CNTNAP5: variants seen among roughly 807,000 people sequenced by gnomAD.
CNTNAP5 encodes the protein contactin associated protein family member 5.
In CNTNAP5, 72 loss-of-function variants were observed where a neutral mutation model predicts 150.2. The observed-to-expected ratio is 0.48, with a 90% CI of 0.40 to 0.58. The LOEUF (loss-of-function observed/expected upper bound fraction) is 0.58. CNTNAP5 is among the 20% of genes least tolerant of loss of function. CNTNAP5 has a pLI of 0.00. For synonymous variants in CNTNAP5, 672 were observed against 619.8 expected (o/e 1.08, Z -1.25); for missense variants, 1,636 against 1,626.2 (o/e 1.01, Z -0.10).
At chr2:124,043,708 G>A (rs1047525402) in intron 1 of CNTNAP5, among the ~76,000 whole-genome samples, 1 of 151,960 alleles carries the variant, frequency 6.6e-6, no homozygotes, top group Non-Finnish European at 1.5e-5. Flanking sequence ...AATCCTGGGT[G>A]GGAGAGAAGA....
intron 3 of CNTNAP5, among the ~76,000 whole-genome samples, chr2:124,259,804 T>G (rs1171487791): frequency 6.6e-6 from 1 of 152,170 alleles, no homozygotes; most frequent in African/African-American, 2.4e-5. Context: ...GAATCCAACT[T>G]GCAAGGGATG....
intron 1 of CNTNAP5, among the ~76,000 whole-genome samples, chr2:124,049,073 G>A (rs751635445): frequency 9.2e-5 from 14 of 152,084 alleles, no homozygotes; most frequent in South Asian, 2.1e-4. Flanking sequence ...CTCATCTCAC[G>A]ACCCAGGCTT....
chr2:124,395,145 C>T (rs577751415), intron 3 of CNTNAP5, among the ~76,000 whole-genome samples: 4 of 152,158 alleles, frequency 2.6e-5, no homozygotes, highest in African/African-American at 9.6e-5. Flanking sequence ...GATTTCTGCT[C>T]TAAAAATACA....
At chr2:124,575,097 C>T (rs12611593) in intron 11 of CNTNAP5, among the ~76,000 whole-genome samples, 3,965 of 152,120 alleles carry the variant, frequency 0.026, 88 homozygotes, top group East Asian at 0.092. Context: ...TGATGAGGGA[C>T]GAGGCAAGTA....
In CNTNAP5 at chr2:124,352,510, T is replaced by C. The variant is rs543130958; in HGVS notation, c.382-64933T>C. Among the ~76,000 whole-genome samples the C allele has an allele frequency of 1.1e-4, 16 of 152,306 alleles. No homozygotes were observed. In the South Asian group the frequency reaches 3.1e-3, roughly 30 times the overall value. ...AATACCAAGTCTAGATGAAGAGTTT[T>C]CAGAGTCCTCGGTGTCTGAACATCT... is the stretch of plus-strand genomic sequence containing the variant. On this transcript the variant is annotated intron_variant, in intron 3 of 23. Coordinates refer to ENST00000682447, the MANE Select transcript of CNTNAP5 (RefSeq NM_001367498.1).
At chr2:124,032,703 A>G (rs1392137793) in intron 1 of CNTNAP5, among the ~76,000 whole-genome samples, 1 of 152,136 alleles carries the variant, frequency 6.6e-6, no homozygotes, top group Non-Finnish European at 1.5e-5. Context: ...TGTAAAATGT[A>G]TTCTATAGCT....
At chr2:124,367,968 G>A (rs1260271080) in intron 3 of CNTNAP5, among the ~76,000 whole-genome samples, 1 of 152,118 alleles carries the variant, frequency 6.6e-6, no homozygotes, top group Non-Finnish European at 1.5e-5. Context: ...TGTGTGATGT[G>A]GAGCACAGAG....
chr2:124,430,459 A>G (rs776019434), intron 4 of CNTNAP5, among the ~76,000 whole-genome samples: 4 of 152,226 alleles, frequency 2.6e-5, no homozygotes, highest in Non-Finnish European at 5.9e-5. Context: ...CCCCACACAT[A>G]CATGCATATG....
At chr2:124,675,789 T>TTTTA in intron 13 of CNTNAP5, among the ~76,000 whole-genome samples, 1 of 152,268 alleles carries the variant, frequency 6.6e-6, no homozygotes, top group Middle Eastern at 3.4e-3. Flanking sequence ...TTAGAGATAT[T>TTTTA]TTTATTTATT....
chr2:124,469,593 C>G (rs867405546), intron 6 of CNTNAP5, among the ~76,000 whole-genome samples: 1 of 147,170 alleles, frequency 6.8e-6, no homozygotes. Context: ...ATGTTAAGTT[C>G]AGGGGTAAAT....
At chr2:124,794,295 C>T (rs1681797928) in intron 18 of CNTNAP5, among the ~76,000 whole-genome samples, 1 of 152,176 alleles carries the variant, frequency 6.6e-6, no homozygotes, top group East Asian at 1.9e-4. Context: ...TGTACCTCAA[C>T]CTCAAGATTC....
chr2:124,861,778 A>G (rs1329976886), intron 19 of CNTNAP5, among the ~76,000 whole-genome samples: 1 of 152,092 alleles, frequency 6.6e-6, no homozygotes, highest in East Asian at 1.9e-4. Flanking sequence ...AGAAGCAACT[A>G]AGGCTCAAAT....
chr2:124,471,768 C>G (rs569804076), intron 6 of CNTNAP5, among the ~76,000 whole-genome samples: 5 of 151,982 alleles, frequency 3.3e-5, no homozygotes, highest in Non-Finnish European at 5.9e-5. Context: ...CAGTTTTTAA[C>G]ATGAAGGGAT....
At chr2:124,319,339 A>G (rs1270984684) in intron 3 of CNTNAP5, among the ~76,000 whole-genome samples, 5 of 152,216 alleles carry the variant, frequency 3.3e-5, no homozygotes, top group African/African-American at 9.7e-5. Context: ...CTCATTCTCC[A>G]TGATATTAAT....
In CNTNAP5 at chr2:124,647,816, C is replaced by T. The variant is rs778584348; in HGVS notation, c.1935C>T (p.Gly645=). The change falls in exon 13 of 24, where the codon GGC becomes GGT. Residue 645 remains glycine, a synonymous_variant. Coordinates refer to ENST00000682447, the MANE Select transcript of CNTNAP5 (RefSeq NM_001367498.1). ...ATACAGAGCTGACCCGAGTGCGGGG[C>T]GCTAACCCTGAGAAGCCCTATGCCA... ...HNNTELTRVR[G]ANPEKPYAMA... 3.5e-5 allele frequency: 57 copies of T among 1,613,386 alleles called. No homozygotes were observed. The highest frequency in any genetic ancestry group is 7.7e-5 in the South Asian group (7 of 90,934).
chr2:124,266,516 A>G (rs115215559), intron 3 of CNTNAP5, among the ~76,000 whole-genome samples: 2,347 of 152,160 alleles, frequency 0.015, 75 homozygotes, highest in African/African-American at 0.054. Context: ...GATGCATAAA[A>G]TCTCATTTTC....
intron 6 of CNTNAP5, among the ~76,000 whole-genome samples, chr2:124,454,329 G>A (rs953494100): frequency 1.3e-5 from 2 of 152,072 alleles, no homozygotes; most frequent in Non-Finnish European, 2.9e-5. Flanking sequence ...ATGATAAAAG[G>A]CCTTGTCCAA....
At chr2:124,497,022 G>A (rs889502810) in intron 7 of CNTNAP5, among the ~76,000 whole-genome samples, 2 of 152,170 alleles carry the variant, frequency 1.3e-5, no homozygotes, top group African/African-American at 4.8e-5. Context: ...GAGCTTTACT[G>A]TTGAGCTGGT....
intron 22 of CNTNAP5, among the ~76,000 whole-genome samples, chr2:124,908,083 A>G (rs1301834359): frequency 6.6e-6 from 1 of 152,032 alleles, no homozygotes; most frequent in African/African-American, 2.4e-5. Flanking sequence ...AAGAAAAAAA[A>G]GCCATGAGGC....
Sources: allele counts gnomAD v4.1 joint callset (sites outside exome capture counted in the v4.1 genomes callset), GRCh38; gene constraint gnomAD v4.1.1; transcripts MANE v1.5; gene names NCBI Gene and HGNC (gene_info 2026-07-23, HGNC 2026-07-21).